GMDS: variants seen among roughly 807,000 people sequenced by gnomAD.
GMDS encodes the protein GDP-mannose 4,6-dehydratase.
In GMDS, 20 loss-of-function variants were observed where a neutral mutation model predicts 49.9. The observed-to-expected ratio is 0.40, with a 90% confidence interval of 0.28 to 0.58. GMDS has a LOEUF of 0.58. GMDS is among the 20% of genes least tolerant of loss of function. The pLI is 0.42. For missense variants in GMDS, 362 were observed against 481.4 expected, an observed-to-expected ratio of 0.75 and a Z score of 2.32; for synonymous variants, 177 against 178.6, an observed-to-expected ratio of 0.99 and a Z score of 0.07.
chr6:2,043,939 G>C (rs527602845), intron 4 of GMDS, among the ~76,000 whole-genome samples: 1 of 151,974 alleles, frequency 6.6e-6, no homozygotes. Flanking sequence ...GAAGACATAC[G>C]TGTGGCCAAC....
chr6:2,193,588 T>C (rs1057278721), intron 1 of GMDS, among the ~76,000 whole-genome samples: 5 of 152,242 alleles, frequency 3.3e-5, no homozygotes, highest in Non-Finnish European at 7.3e-5. Flanking sequence ...AAAGGGTATA[T>C]GGATTTTTTT....
At chr6:1,717,356 G>A (rs1254227118) in intron 9 of GMDS, among the ~76,000 whole-genome samples, 1 of 152,218 alleles carries the variant, frequency 6.6e-6, no homozygotes, top group Non-Finnish European at 1.5e-5. Flanking sequence ...TTCCAAGGGA[G>A]GAGCATGGGG....
chr6:1,696,226 C>G (rs1158131472), intron 9 of GMDS, among the ~76,000 whole-genome samples: 2 of 152,326 alleles, frequency 1.3e-5, no homozygotes, highest in East Asian at 3.9e-4. Flanking sequence ...AGTGACAACT[C>G]AGGCTTGGCC....
At chr6:2,086,317 C>T (rs1267445905) in intron 4 of GMDS, among the ~76,000 whole-genome samples, 1 of 152,232 alleles carries the variant, frequency 6.6e-6, no homozygotes, top group Non-Finnish European at 1.5e-5. Flanking sequence ...CATCCCTCTA[C>T]TAGAAGCAAC....
chr6:1,919,557 A>C (rs1481939044), intron 7 of GMDS, among the ~76,000 whole-genome samples: 2 of 152,226 alleles, frequency 1.3e-5, no homozygotes, highest in Admixed American at 1.3e-4. Context: ...TCTAAAAGGA[A>C]AAGGAGACTT....
chr6:2,181,635 G>A (rs1778536391), intron 1 of GMDS, among the ~76,000 whole-genome samples: 1 of 152,008 alleles, frequency 6.6e-6, no homozygotes, highest in Non-Finnish European at 1.5e-5. Flanking sequence ...GTCAGTTGTG[G>A]TGGTCTGTGA....
chr6:1,881,962 AGTTTTT>A (rs1186142801), intron 7 of GMDS, among the ~76,000 whole-genome samples: 1 of 152,224 alleles, frequency 6.6e-6, no homozygotes, highest in Non-Finnish European at 1.5e-5. Context: ...AAACTCACAG[AGTTTTT>A]CCAAGACAAG....
intron 9 of GMDS, among the ~76,000 whole-genome samples, chr6:1,693,124 C>T (rs907418130): frequency 1.3e-5 from 2 of 152,208 alleles, no homozygotes; most frequent in Non-Finnish European, 2.9e-5. Context: ...AAGACCCTTC[C>T]GAACACCCTA....
intron 7 of GMDS, among the ~76,000 whole-genome samples, chr6:1,866,318 G>A (rs1462597921): frequency 6.6e-6 from 1 of 152,202 alleles, no homozygotes; most frequent in African/African-American, 2.4e-5. Context: ...AGATTTTATT[G>A]TATCAAGCGT....
intron 4 of GMDS, among the ~76,000 whole-genome samples, chr6:2,017,192 A>C (rs1426202253): frequency 1.3e-5 from 2 of 152,138 alleles, no homozygotes; most frequent in African/African-American, 4.8e-5. Context: ...GGTGGAGGAG[A>C]GGAGCGTGGA....
intron 1 of GMDS, among the ~76,000 whole-genome samples, chr6:2,237,312 C>G (rs547231306): frequency 2.6e-5 from 4 of 152,182 alleles, no homozygotes; most frequent in African/African-American, 9.7e-5. Context: ...TGGTGCCCCA[C>G]TGCCAAGAAC....
chr6:1,820,253 A>C (rs73409366), intron 7 of GMDS, among the ~76,000 whole-genome samples: 3,627 of 152,284 alleles, frequency 0.024, 150 homozygotes, highest in African/African-American at 0.082. Context: ...ATTATGAAAA[A>C]ATAAAATGTG....
intron 4 of GMDS, among the ~76,000 whole-genome samples, chr6:1,969,524 A>G (rs971438119): frequency 6.6e-6 from 1 of 152,114 alleles, no homozygotes; most frequent in African/African-American, 2.4e-5. Context: ...GAAGAAGAAT[A>G]TATGTAGGAA....
intron 8 of GMDS, among the ~76,000 whole-genome samples, chr6:1,739,199 C>G (rs768670124): frequency 6.6e-6 from 1 of 152,182 alleles, no homozygotes; most frequent in African/African-American, 2.4e-5. Flanking sequence ...GAAAGAGGAG[C>G]GTCTTGGGTC....
At chr6:1,764,320 A>T (rs1768269365) in intron 7 of GMDS, among the ~76,000 whole-genome samples, 1 of 152,110 alleles carries the variant, frequency 6.6e-6, no homozygotes, top group Non-Finnish European at 1.5e-5. Flanking sequence ...CAAGAGATGG[A>T]GGCTTTATGT....
chr6:1,963,181 C>CTTT (rs75060505), intron 4 of GMDS, among the ~76,000 whole-genome samples: 143 of 143,476 alleles, frequency 1.0e-3, no homozygotes, highest in South Asian at 2.4e-3. Context: ...AGCCTACTTC[C>CTTT]TTTTTTTTTT....
chr6:1,801,090 G>A (rs1438303330), intron 7 of GMDS, among the ~76,000 whole-genome samples: 2 of 152,208 alleles, frequency 1.3e-5, no homozygotes, highest in Non-Finnish European at 2.9e-5. Flanking sequence ...GTGCTCCCTG[G>A]AGCCCGGACC....
At chr6:1,747,221 C>T (rs1229510839) in intron 7 of GMDS, among the ~76,000 whole-genome samples, 3 of 152,076 alleles carry the variant, frequency 2.0e-5, no homozygotes, top group African/African-American at 2.4e-5. Flanking sequence ...TGATTCCGTG[C>T]ATGCCTTCTG....
At position 1,836,103 on chromosome 6, in the gene GMDS, G is replaced by A. The variant is rs1189071985; in HGVS notation, c.772-93517C>T. Among the ~76,000 whole-genome samples the A allele has an allele frequency of 6.6e-6, 1 of 152,070 alleles. No homozygotes were observed. On this transcript the variant is annotated intron_variant, in intron 7 of 10. Transcript: ENST00000380815. This position sits in a 1 kb window ranked among gnomAD's most constrained non-coding sequence, Gnocchi z 4.2. ...AGGATGGTCTCGATCTCCTGATCTC[G>A]TGATCCACCCGCCTCAGCCTCCCAA...
Sources: gnomAD v4.1 joint callset for allele counts (sites outside exome capture counted in the v4.1 genomes callset) on GRCh38, gnomAD v4.1.1 for gene constraint, Gnocchi (gnomAD v3.1) non-coding constraint, MANE v1.5 for transcripts, NCBI Gene and HGNC (gene_info 2026-07-23, HGNC 2026-07-21) for gene names.